Variants in VPS13D observed in about 807,000 individuals in gnomAD.
VPS13D encodes vacuolar protein sorting 13 homolog D.
VPS13D carries 187 observed loss-of-function variants against 461.9 expected under a neutral mutation model. The observed-to-expected ratio is 0.40, with a 90% CI of 0.36 to 0.46. The LOEUF is 0.46. Among genes scored for constraint, VPS13D ranks in the 20% least tolerant of loss-of-function variants. VPS13D has a pLI of 0.60. For synonymous variants in VPS13D, 1,951 were observed against 1,986.3 expected (o/e 0.98, Z 0.47); for missense variants, 4,711 against 5,364.9 (o/e 0.88, Z 3.81).
intron 67 of VPS13D, among the ~76,000 whole-genome samples, chr1:12,487,884 A>T (rs1238853045): frequency 6.6e-6 from 1 of 152,180 alleles, no homozygotes; most frequent in Non-Finnish European, 1.5e-5. Context: ...GCCTGCTGTG[A>T]GTTTTATTAA....
At chr1:12,459,699 G>C (rs999106436) in intron 66 of VPS13D, among the ~76,000 whole-genome samples, 1 of 151,866 alleles carries the variant, frequency 6.6e-6, no homozygotes, top group South Asian at 2.1e-4. Context: ...GGATGGTCTC[G>C]ATCTCTTGAC....
chr1:12,480,301 G>T (rs574128185), intron 67 of VPS13D, among the ~76,000 whole-genome samples: 9 of 152,306 alleles, frequency 5.9e-5, no homozygotes, highest in African/African-American at 2.2e-4. Flanking sequence ...AGAAGCCTCC[G>T]CAGTAGACTG....
intron 61 of VPS13D, 53 bp downstream of exon 61, chr1:12,400,383 G>T: frequency 6.3e-7 from 1 of 1,597,308 alleles, no homozygotes; most frequent in Admixed American, 1.7e-5. Flanking sequence ...ACGTTGATTT[G>T]TTCTCTCACA....
At chr1:12,267,299 C>G (rs1178522401) in intron 14 of VPS13D, among the ~76,000 whole-genome samples, 2 of 152,170 alleles carry the variant, frequency 1.3e-5, no homozygotes, top group Non-Finnish European at 2.9e-5. Context: ...TGGGTTTCCT[C>G]TGTATCTGAC....
intron 1 of VPS13D, among the ~76,000 whole-genome samples, chr1:12,230,546 A>G (rs1252820393): frequency 1.3e-5 from 2 of 152,068 alleles, no homozygotes; most frequent in African/African-American, 4.8e-5. Context: ...CTTGGTCTCA[A>G]TGCAGGACCC....
chr1:12,266,910 C>T lies in VPS13D; in HGVS notation c.1624C>T (p.Arg542Ter), dbSNP rs956643566. 2 of 1,604,068 alleles carry T rather than the reference C, an allele frequency of 1.2e-6. No individual in the cohort carries two copies. Among genetic ancestry groups the T allele is most frequent in the East Asian group, 2.2e-5 (1 of 44,722 alleles). The change falls in exon 14 of 70, where the codon CGA (arginine) becomes TGA (stop). Residue 542 changes from arginine (R) to a stop codon, truncating the protein, a stop_gained. Transcript: ENST00000620676. LOFTEE classifies it high-confidence loss of function. ...AAAACTTCTAGCAGAGTCTCTTCCT[C>T]GAAGAAATTCCTCGTTGCTTTCAGT... is the stretch of plus-strand genomic sequence containing the variant. ...DVKLLAESLP[R>*]RNSSLLSVRL...
Position 12,495,894 on chromosome 1 carries a change from G to C in VPS13D, c.12663-1606G>C, listed in dbSNP as rs1645950139. 6.6e-6 allele frequency among the ~76,000 whole-genome samples: 1 copy of C among 152,186 alleles called. No homozygotes were observed. Among genetic ancestry groups the C allele is most frequent in the Admixed American group, 6.5e-5 (1 of 15,278 alleles). ...AGAACAGAGCTCTGCTACGTGGAGA[G>C]GCACGCCAAGCTCCTTCCCCCAACC... On this transcript the variant is annotated intron_variant, in intron 67 of 69. Coordinates refer to ENST00000620676, the MANE Select transcript of VPS13D (RefSeq NM_015378.4). The surrounding 1 kb of genome is among the most constrained non-coding windows in gnomAD (Gnocchi z 4.0).
intron 60 of VPS13D, among the ~76,000 whole-genome samples, chr1:12,390,968 G>A (rs1221085000): frequency 6.6e-6 from 1 of 152,194 alleles, no homozygotes; most frequent in Non-Finnish European, 1.5e-5. Flanking sequence ...CCATTGGTGA[G>A]CACTCACATG....
At chr1:12,358,972 G>A (rs1036337660) in intron 50 of VPS13D, among the ~76,000 whole-genome samples, 1 of 152,150 alleles carries the variant, frequency 6.6e-6, no homozygotes, top group African/African-American at 2.4e-5. Context: ...AGCCCTAAGA[G>A]GGTAAGAAGC....
intron 5 of VPS13D, among the ~76,000 whole-genome samples, chr1:12,248,090 T>C (rs1008960228): frequency 2.4e-4 from 37 of 152,000 alleles, no homozygotes; most frequent in Non-Finnish European, 5.1e-4. Flanking sequence ...GGTTTCACCA[T>C]GTTGGCCAGT....
chr1:12,469,331 G>A (rs1645533784), intron 67 of VPS13D, among the ~76,000 whole-genome samples: 1 of 152,140 alleles, frequency 6.6e-6, no homozygotes, highest in South Asian at 2.1e-4. Context: ...TCTCTAATGA[G>A]TATACAGTGG....
At chr1:12,485,020 A>G (rs1645779170) in intron 67 of VPS13D, among the ~76,000 whole-genome samples, 1 of 152,190 alleles carries the variant, frequency 6.6e-6, no homozygotes, top group African/African-American at 2.4e-5. Context: ...CTTGGGATAA[A>G]AAAAGATGGA....
intron 2 of VPS13D, among the ~76,000 whole-genome samples, chr1:12,236,112 A>G (rs1438948543): frequency 6.6e-6 from 1 of 152,244 alleles, no homozygotes. Flanking sequence ...TTCTAAAAAC[A>G]TTATTCTTTA....
At chr1:12,457,498 T>TA (rs904519613) in intron 66 of VPS13D, among the ~76,000 whole-genome samples, 6 of 152,200 alleles carry the variant, frequency 3.9e-5, no homozygotes, top group Non-Finnish European at 8.8e-5. Flanking sequence ...TCTCCTTGTG[T>TA]ACCTCACATG....
At chr1:12,264,497 C>T (rs1025965776) in intron 13 of VPS13D, among the ~76,000 whole-genome samples, 2 of 152,234 alleles carry the variant, frequency 1.3e-5, no homozygotes, top group African/African-American at 4.8e-5. Flanking sequence ...GATCAGAAAG[C>T]AAAGCAGCCT....
chr1:12,316,391 G>A (rs1642887729), intron 30 of VPS13D, among the ~76,000 whole-genome samples: 1 of 152,174 alleles, frequency 6.6e-6, no homozygotes, highest in Non-Finnish European at 1.5e-5. Context: ...GGGATCTTGT[G>A]TGTCAAATAT....
Position 12,422,903 on chromosome 1 carries a change from C to T in VPS13D, c.12333+6076C>T, listed in dbSNP as rs879405887. ...TTTTCCTTTGTGTTTGTAAGGCATT[C>T]TTCTAGGCACTGCAGAGAATATGAA... On this transcript the variant is annotated intron_variant, in intron 65 of 69. Transcript: ENST00000620676. 2.3e-3 allele frequency among the ~76,000 whole-genome samples: 323 copies of T among 138,494 alleles called. 3 individuals are homozygous for T. Among genetic ancestry groups the T allele is most frequent in the Non-Finnish European group, 3.4e-3 (222 of 64,624 alleles). 90.9% of individuals were successfully genotyped at this position (138,494 alleles called of 152,430 possible).
At position 12,244,585 on chromosome 1, in the gene VPS13D, T is replaced by A; in HGVS notation, c.415T>A (p.Ser139Thr). Reference protein sequence around the residue: ...GESYWYSVTASVVTRIVENIE... With the variant: ...GESYWYSVTATVVTRIVENIE... ...GTCCTATTGGTATTCAGTTACCGCC[T>A]CCGTAGTTACAAGGATTGTGGAGAA... Residue 139 changes from serine (S) to threonine (T), a missense_variant, in exon 5 of 70, where the codon TCC becomes ACC. By Grantham distance (58) the Ser-to-Thr change is moderately conservative. Coordinates refer to ENST00000620676, the MANE Select transcript of VPS13D (RefSeq NM_015378.4). 1 of 1,614,230 alleles carries A rather than the reference T, an allele frequency of 6.2e-7. No individual in the cohort carries two copies. The highest frequency in any genetic ancestry group is 1.7e-5 in the Admixed American group (1 of 60,030).
intron 65 of VPS13D, 131 bp from the exon 66 acceptor site, chr1:12,455,867 T>G: frequency 1.8e-4 from 210 of 1,150,916 alleles, no homozygotes; most frequent in Middle Eastern, 5.4e-4. Context: ...TGTGATGAGA[T>G]GAGATCACAC....
Sources: gnomAD v4.1 joint callset for allele counts (sites outside exome capture counted in the v4.1 genomes callset) on GRCh38, gnomAD v4.1.1 for gene constraint, Gnocchi (gnomAD v3.1) non-coding constraint, MANE v1.5 for transcripts, NCBI Gene and HGNC (gene_info 2026-07-23, HGNC 2026-07-21) for gene names.